Variants in SNX13 observed in about 807,000 individuals in gnomAD.
The protein encoded by SNX13 is sorting nexin 13.
Under a neutral mutation model 133.6 loss-of-function variants are expected in SNX13, and 45 were observed. The observed-to-expected ratio is 0.34, with a 90% CI of 0.27 to 0.43. The LOEUF (loss-of-function observed/expected upper bound fraction) is 0.43, where lower values mean the gene tolerates loss of function less well. Ranked by LOEUF, SNX13 falls within the 20% of genes least tolerant of loss-of-function variation. SNX13 has a pLI of 1.00. For missense variants in SNX13, 1,032 were observed against 1,145.1 expected, an observed-to-expected ratio of 0.90 and a Z score of 1.43; for synonymous variants, 414 against 373.9, an observed-to-expected ratio of 1.11 and a Z score of -1.24.
At chr7:17,813,464 A>G (rs919706785) in intron 20 of SNX13, among the ~76,000 whole-genome samples, 1 of 152,212 alleles carries the variant, frequency 6.6e-6, no homozygotes, top group Non-Finnish European at 1.5e-5. Flanking sequence ...CTAACTTAGA[A>G]ATGTTATTAG....
chr7:17,861,376 AC>A (rs1206881314), intron 9 of SNX13, among the ~76,000 whole-genome samples: 1 of 150,940 alleles, frequency 6.6e-6, no homozygotes, highest in Non-Finnish European at 1.5e-5. Flanking sequence ...ACACACACAC[AC>A]ACACAGTGTG....
At chr7:17,805,272 T>TGCGCGCGC (rs1554304470) in intron 20 of SNX13, among the ~76,000 whole-genome samples, 3 of 80,798 alleles carry the variant, frequency 3.7e-5, no homozygotes, top group Non-Finnish European at 6.0e-5. Context: ...CGCGCATGCA[T>TGCGCGCGC]GCACATGTGT....
At position 17,806,640 on chromosome 7, in the gene SNX13, T is replaced by A. The variant is rs117109755; in HGVS notation, c.2065-3060A>T. 7.3e-5 allele frequency among the ~76,000 whole-genome samples: 11 copies of A among 151,576 alleles called. No homozygotes were observed. The East Asian group carries it at 2.1e-3, about 29-fold the overall frequency. On this transcript the variant is annotated intron_variant, in intron 20 of 25. Coordinates refer to ENST00000428135, the MANE Select transcript of SNX13 (RefSeq NM_015132.5). ...AAAGATAGGTAGACGCCATTATTAA[T>A]TAAAAAAAAAAAGTGAGTGGCTGGC...
chr7:17,846,658 T>C (rs966960378), intron 11 of SNX13, among the ~76,000 whole-genome samples: 1 of 151,664 alleles, frequency 6.6e-6, no homozygotes, highest in Non-Finnish European at 1.5e-5. Flanking sequence ...AAGGAAAATG[T>C]AGAGAATTAA....
At position 17,792,672 on chromosome 7, in the gene SNX13, G is replaced by T. The variant is rs1365661949; in HGVS notation, c.*1373C>A. 1.3e-5 allele frequency: 2 copies of T among 152,044 alleles called. No individual in the cohort carries two copies. The highest frequency in any genetic ancestry group is 4.8e-5 in the African/African-American group (2 of 41,292). The allele number at this position is 152,044 out of a possible 1,614,324, so 9.4% of individuals were successfully genotyped here. A position where few individuals can be genotyped will look rare whatever the true frequency, so the allele number is the denominator to read the frequency against. ...TGATAAGTAGCTTCATTATTTTAAG[G>T]TTTTAGTGTTAAATATTTTTAAAAC... On this transcript the variant is annotated 3_prime_UTR_variant, in exon 26 of 26. Transcript: ENST00000428135.
intron 5 of SNX13, chr7:17,882,878 G>A (rs1343029092): frequency 1.6e-6 from 2 of 1,280,206 alleles, no homozygotes; most frequent in Non-Finnish European, 2.1e-6. Flanking sequence ...AGGGTTCCAG[G>A]AAGCGGAGGT....
At chr7:17,940,211 G>C in intron 1 of SNX13, 73 bp downstream of exon 1, 1 of 1,543,964 alleles carries the variant, frequency 6.5e-7, no homozygotes, top group Non-Finnish European at 8.8e-7. Flanking sequence ...CCGTACAGAT[G>C]ATGTTCTCTG....
intron 20 of SNX13, among the ~76,000 whole-genome samples, chr7:17,807,471 G>A (rs906264839): frequency 6.6e-6 from 1 of 152,232 alleles, no homozygotes; most frequent in Non-Finnish European, 1.5e-5. Context: ...CCAGACAGGG[G>A]CTTATAGATA....
At chr7:17,836,113 A>G (rs1312597440) in intron 13 of SNX13, among the ~76,000 whole-genome samples, 1 of 152,098 alleles carries the variant, frequency 6.6e-6, no homozygotes, top group Middle Eastern at 3.4e-3. Flanking sequence ...TCTCAAGTAT[A>G]CAGAATAGAT....
chr7:17,888,457 A>C, intron 5 of SNX13: 1 of 206,308 alleles, frequency 4.8e-6, no homozygotes, highest in South Asian at 6.3e-5. Context: ...ACTAAGATAA[A>C]TAACCTAGAT....
chr7:17,794,479 G>C, intron 25 of SNX13, 187 bp from the exon 26 acceptor site: 1 of 642,922 alleles, frequency 1.6e-6, no homozygotes, highest in Non-Finnish European at 2.5e-6. Flanking sequence ...ATCTATTTAC[G>C]CACTTAATGC....
chr7:17,800,201 T>C (rs1175541812), intron 22 of SNX13, among the ~76,000 whole-genome samples: 1 of 151,830 alleles, frequency 6.6e-6, no homozygotes, highest in East Asian at 1.9e-4. Flanking sequence ...TACAATGTTA[T>C]GGATATTATA....
intron 19 of SNX13, among the ~76,000 whole-genome samples, chr7:17,815,452 G>T (rs1786552322): frequency 6.6e-6 from 1 of 152,114 alleles, no homozygotes; most frequent in South Asian, 2.1e-4. Flanking sequence ...AGGCACAGTG[G>T]CATGCACCTG....
chr7:17,836,758 A>G (rs369879984), intron 13 of SNX13, among the ~76,000 whole-genome samples: 3 of 152,178 alleles, frequency 2.0e-5, no homozygotes, highest in East Asian at 3.9e-4. Context: ...AACTTTTTTT[A>G]AAACTCTATT....
intron 18 of SNX13, among the ~76,000 whole-genome samples, chr7:17,819,478 C>CA (rs1787041235): frequency 6.6e-6 from 1 of 152,160 alleles, no homozygotes; most frequent in Non-Finnish European, 1.5e-5. Context: ...CTGCCCACCT[C>CA]AGCCTCCCAA....
intron 1 of SNX13, among the ~76,000 whole-genome samples, chr7:17,912,189 T>C (rs1266986541): frequency 2.0e-5 from 3 of 152,180 alleles, no homozygotes; most frequent in East Asian, 3.9e-4. Flanking sequence ...AGGGACAGCA[T>C]TTGGCTGAGA....
intron 20 of SNX13, among the ~76,000 whole-genome samples, chr7:17,805,250 T>TGTGTGTGTGTGTGTGTGTGTGTGTGTGC: frequency 1.2e-4 from 11 of 95,594 alleles, no homozygotes; most frequent in African/African-American, 2.5e-4. Context: ...TGTGTGTGTG[T>TGTGTGTGTGTGTGTGTGTGTGTGTGTGC]GCGTGCGCGC....
intron 5 of SNX13, chr7:17,888,978 T>C: frequency 9.2e-6 from 2 of 218,392 alleles, no homozygotes; most frequent in South Asian, 1.2e-4. Context: ...CATTTTTATA[T>C]ATTTTTCAAT....
chr7:17,861,481 A>G (rs1792687868), intron 9 of SNX13, among the ~76,000 whole-genome samples: 1 of 152,124 alleles, frequency 6.6e-6, no homozygotes, highest in South Asian at 2.1e-4. Flanking sequence ...GGTCACAGGC[A>G]CCAGAAAGTG....
Sources: gnomAD v4.1 joint callset for allele counts (sites outside exome capture counted in the v4.1 genomes callset) on GRCh38, gnomAD v4.1.1 for gene constraint, MANE v1.5 for transcripts, NCBI Gene and HGNC (gene_info 2026-07-23, HGNC 2026-07-21) for gene names.